The following CAPSL variants were observed in gnomAD, a reference collection of about 807,000 sequenced individuals.
CAPSL encodes calcyphosin-like protein.
A neutral mutation model predicts 21.3 loss-of-function variants in CAPSL; 17 were observed. That is an observed-to-expected ratio of 0.80 (90% CI 0.55 to 1.20). CAPSL has a LOEUF of 1.20. Among genes scored for constraint, CAPSL ranks in the 50% most tolerant of loss-of-function variants. CAPSL has a pLI of 0.00. For missense variants in CAPSL, 289 were observed against 259.3 expected, an observed-to-expected ratio of 1.11 and a Z score of -0.79; for synonymous variants, 102 against 89.3, an observed-to-expected ratio of 1.14 and a Z score of -0.80.
At chr5:35,922,076 A>G (rs1333902147) in intron 1 of CAPSL, among the ~76,000 whole-genome samples, 3 of 101,438 alleles carry the variant, frequency 3.0e-5, no homozygotes, top group South Asian at 6.3e-4. Context: ...GTGCAGAAAA[A>G]AAAAAAAAAA....
At chr5:35,923,447 C>A (rs1413826689) in intron 1 of CAPSL, among the ~76,000 whole-genome samples, 1 of 152,148 alleles carries the variant, frequency 6.6e-6, no homozygotes, top group Non-Finnish European at 1.5e-5. Context: ...TGCACATATA[C>A]CCATGTTTAT....
chr5:35,927,645 G>A (rs189282281), intron 1 of CAPSL, among the ~76,000 whole-genome samples: 1 of 152,210 alleles, frequency 6.6e-6, no homozygotes, highest in Non-Finnish European at 1.5e-5. Flanking sequence ...GGAACTTGAT[G>A]TGGCTTTTGC....
intron 2 of CAPSL, among the ~76,000 whole-genome samples, chr5:35,913,536 G>C (rs896985924): frequency 1.1e-4 from 17 of 152,146 alleles, no homozygotes; most frequent in African/African-American, 3.1e-4. Flanking sequence ...AGCCAGAAGA[G>C]AGTGGGGGCC....
intron 4 of CAPSL, among the ~76,000 whole-genome samples, chr5:35,907,013 T>G (rs1480618187): frequency 2.6e-5 from 4 of 152,234 alleles, no homozygotes; most frequent in Non-Finnish European, 5.9e-5. Flanking sequence ...TTCTCTGATC[T>G]CCTGTAAATT....
chr5:35,933,943 A>G (rs531612987), intron 1 of CAPSL, among the ~76,000 whole-genome samples: 191 of 152,356 alleles, frequency 1.3e-3, no homozygotes, highest in Middle Eastern at 3.4e-3. Flanking sequence ...TCTAAAGAAT[A>G]TCATAAATTG....
At chr5:35,911,941 C>T (rs1386224557) in intron 2 of CAPSL, among the ~76,000 whole-genome samples, 1 of 152,144 alleles carries the variant, frequency 6.6e-6, no homozygotes, top group Non-Finnish European at 1.5e-5. Flanking sequence ...CGCAAGGGGT[C>T]AGGGAATTCC....
chr5:35,916,124 GA>G lies in CAPSL; in HGVS notation c.137+4859del, dbSNP rs528551173. On this transcript the variant is annotated intron_variant, in intron 2 of 4. Transcript: ENST00000651391. Reference sequence around the variant, plus strand: ...AACTCCCATTCACAATTGCTTCAAAGAGAATAAAATACCTAGGAATCCAACT... The same window carrying G: ...AACTCCCATTCACAATTGCTTCAAAGGAATAAAATACCTAGGAATCCAACT... 3.3e-5 allele frequency among the ~76,000 whole-genome samples: 5 copies of G among 152,132 alleles called. No individual in the cohort carries two copies. The East Asian group carries it at 9.7e-4, about 29-fold the overall frequency.
At chr5:35,930,538 T>C (rs1355675059) in intron 1 of CAPSL, among the ~76,000 whole-genome samples, 3 of 152,284 alleles carry the variant, frequency 2.0e-5, no homozygotes, top group African/African-American at 7.2e-5. Flanking sequence ...ATGTCAACCA[T>C]ACACTTGCCC....
intron 1 of CAPSL, among the ~76,000 whole-genome samples, chr5:35,925,790 C>G (rs1233650686): frequency 1.3e-5 from 2 of 152,088 alleles, no homozygotes; most frequent in Non-Finnish European, 2.9e-5. Context: ...ACCACAAAGT[C>G]TTCTGGCCGG....
chr5:35,926,099 A>G (rs1260342734), intron 1 of CAPSL, among the ~76,000 whole-genome samples: 2 of 152,094 alleles, frequency 1.3e-5, no homozygotes, highest in Non-Finnish European at 2.9e-5. Context: ...AAAAAACGAA[A>G]AAACGGGAAA....
At chr5:35,936,141 A>C (rs1738941235) in intron 1 of CAPSL, among the ~76,000 whole-genome samples, 1 of 152,190 alleles carries the variant, frequency 6.6e-6, no homozygotes, top group Non-Finnish European at 1.5e-5. Flanking sequence ...TGGAACCACC[A>C]GTTATGAACA....
intron 2 of CAPSL, among the ~76,000 whole-genome samples, chr5:35,920,098 G>T (rs1466986429): frequency 6.6e-6 from 1 of 152,104 alleles, no homozygotes; most frequent in Non-Finnish European, 1.5e-5. Context: ...GACAGAGCTG[G>T]GCTTAGTCTG....
intron 1 of CAPSL, among the ~76,000 whole-genome samples, chr5:35,932,032 A>G (rs1228188771): frequency 6.6e-6 from 1 of 152,206 alleles, no homozygotes; most frequent in Non-Finnish European, 1.5e-5. Flanking sequence ...CTTAGAATGA[A>G]TGCTTCTTTT....
chr5:35,916,096 G>A (rs1273725691), intron 2 of CAPSL, among the ~76,000 whole-genome samples: 2 of 152,080 alleles, frequency 1.3e-5, no homozygotes, highest in East Asian at 3.9e-4. Context: ...CAAATCATGA[G>A]TGAACTCCCA....
rs769552588 is a variant in CAPSL at position 35,910,560 on chromosome 5, C to G, written c.138-17G>C. The G allele has an allele frequency of 6.5e-7, 1 of 1,548,702 alleles. No individual in the cohort carries two copies. On this transcript the variant is annotated splice_polypyrimidine_tract_variant and intron_variant, in intron 2 of 4. Coordinates refer to ENST00000651391, the MANE Select transcript of CAPSL (RefSeq NM_001042625.2). ...CTAAACACTCTGAAGAAAATACACA[C>G]AAAAATTCAGAAGAAATGTACAAAT... is the stretch of plus-strand genomic sequence containing the variant.
In CAPSL at chr5:35,919,170, A is replaced by ATTATATATATATATATATATATATAT. The variant is rs1554069748; in HGVS notation, c.137+1813_137+1814insATATATATATATATATATATATATAA. Among the ~76,000 whole-genome samples, 85 of 121,242 alleles carry ATTATATATATATATATATATATATAT rather than the reference A, an allele frequency of 7.0e-4. 2 individuals are homozygous for ATTATATATATATATATATATATATAT. Among genetic ancestry groups the ATTATATATATATATATATATATATAT allele is most frequent in the African/African-American group, 2.4e-3 (80 of 33,820 alleles). The allele number at this position is 121,242 out of a possible 152,430, so 79.5% of individuals were successfully genotyped here. A position where few individuals can be genotyped will look rare whatever the true frequency, so the allele number is the denominator to read the frequency against. On this transcript the variant is annotated intron_variant, in intron 2 of 4. Transcript: ENST00000651391. The stretch of plus-strand genomic sequence containing the variant: ...AGTATCTTTCCTGATTAAAAAAAAA[A>ATTATATATATATATATATATATATAT]ATATATATATATATATATATAAAAA...
At chr5:35,926,505 A>C (rs1472777218) in intron 1 of CAPSL, among the ~76,000 whole-genome samples, 12 of 152,132 alleles carry the variant, frequency 7.9e-5, no homozygotes, top group Non-Finnish European at 1.8e-4. Flanking sequence ...TGTAGGAAGG[A>C]TGTGGAAAGC....
chr5:35,931,382 A>C (rs1365435464), intron 1 of CAPSL, among the ~76,000 whole-genome samples: 3 of 152,076 alleles, frequency 2.0e-5, no homozygotes, highest in African/African-American at 7.2e-5. Flanking sequence ...GAAAGAGAGC[A>C]AAATAAACAG....
intron 1 of CAPSL, among the ~76,000 whole-genome samples, chr5:35,929,451 C>T (rs700177): frequency 6.6e-6 from 1 of 152,028 alleles, no homozygotes; most frequent in African/African-American, 2.4e-5. Flanking sequence ...TGCCACCACA[C>T]CCAGCTGATT....
Sources: gnomAD v4.1 joint callset for allele counts (sites outside exome capture counted in the v4.1 genomes callset) on GRCh38, gnomAD v4.1.1 for gene constraint, MANE v1.5 for transcripts, NCBI Gene and HGNC (gene_info 2026-07-23, HGNC 2026-07-21) for gene names.